Variants in DYM observed in about 807,000 individuals in gnomAD.
DYM encodes the protein dyggve-Melchior-Clausen syndrome protein.
In DYM, 78 loss-of-function variants were observed where a neutral mutation model predicts 93.1. That is an observed-to-expected ratio of 0.84 (90% CI 0.70 to 1.01). The LOEUF is 1.01. Ranked by LOEUF, DYM falls within the 50% of genes least tolerant of loss-of-function variation. The pLI, the probability that DYM is intolerant of heterozygous loss-of-function variation, is 0.00. For missense variants in DYM, 789 were observed against 845.0 expected, an observed-to-expected ratio of 0.93 and a Z score of 0.82; for synonymous variants, 321 against 319.7, an observed-to-expected ratio of 1.00 and a Z score of -0.04.
chr18:49,335,621 A>G (rs2063600270), intron 6 of DYM, among the ~76,000 whole-genome samples: 1 of 152,158 alleles, frequency 6.6e-6, no homozygotes, highest in Non-Finnish European at 1.5e-5. Flanking sequence ...TTTGTATCAC[A>G]ATAATCATTC....
At chr18:49,113,668 A>C (rs1855539627) in intron 16 of DYM, among the ~76,000 whole-genome samples, 1 of 152,222 alleles carries the variant, frequency 6.6e-6, no homozygotes, top group African/African-American at 2.4e-5. Flanking sequence ...AACTCTATGA[A>C]AGAAGAAAGT....
At chr18:49,070,679 G>A (rs2076814336) in intron 17 of DYM, among the ~76,000 whole-genome samples, 1 of 152,198 alleles carries the variant, frequency 6.6e-6, no homozygotes, top group African/African-American at 2.4e-5. Flanking sequence ...AAACAGTAAG[G>A]TTCTTTAAGG....
intron 6 of DYM, among the ~76,000 whole-genome samples, chr18:49,348,744 A>G (rs1301264904): frequency 6.6e-6 from 1 of 152,050 alleles, no homozygotes; most frequent in African/African-American, 2.4e-5. Context: ...CCCCGTCTCT[A>G]CTAAAAATAC....
chr18:49,068,077 G>T (rs1253520937), intron 17 of DYM, among the ~76,000 whole-genome samples: 1 of 152,214 alleles, frequency 6.6e-6, no homozygotes, highest in African/African-American at 2.4e-5. Context: ...TAGCACAGGG[G>T]CAATGACTAG....
intron 17 of DYM, among the ~76,000 whole-genome samples, chr18:49,052,489 A>G (rs936743723): frequency 3.3e-5 from 5 of 152,254 alleles, no homozygotes; most frequent in Non-Finnish European, 4.4e-5. Context: ...AAGAAATGTC[A>G]GTCTGAATGT....
At chr18:49,206,009 TTG>T (rs1555800106) in intron 14 of DYM, 4 of 175,064 alleles carry the variant, frequency 2.3e-5, no homozygotes, top group Non-Finnish European at 3.5e-5. Context: ...TTTTGTTTTT[TTG>T]TTTTTTGCGG....
chr18:49,233,719 T>C lies in DYM; in HGVS notation c.1460+23291A>G, dbSNP rs375498622. On this transcript the variant is annotated intron_variant, in intron 13 of 17. Coordinates refer to ENST00000675505, the MANE Select transcript of DYM (RefSeq NM_001353214.3). ...GATTTTTTTTAGTAGAGCACATGGC[T>C]GCAATTAATAAAGACTATATTTCTC... is the stretch of plus-strand genomic sequence containing the variant. 3.3e-5 allele frequency among the ~76,000 whole-genome samples: 5 copies of C among 152,334 alleles called. No homozygotes were observed. The East Asian group carries it at 7.7e-4, about 24-fold the overall frequency.
chr18:49,070,666 C>A (rs2076813179), intron 17 of DYM, among the ~76,000 whole-genome samples: 1 of 152,160 alleles, frequency 6.6e-6, no homozygotes, highest in African/African-American at 2.4e-5. Flanking sequence ...ACTGTGCCCC[C>A]CTAAACAGTA....
intron 14 of DYM, among the ~76,000 whole-genome samples, chr18:49,184,485 G>A (rs909798982): frequency 6.6e-6 from 1 of 152,174 alleles, no homozygotes; most frequent in African/African-American, 2.4e-5. Flanking sequence ...CAGAGATACT[G>A]CAGCAATACA....
intron 17 of DYM, among the ~76,000 whole-genome samples, chr18:49,054,780 G>C (rs2075328757): frequency 6.6e-6 from 1 of 152,186 alleles, no homozygotes. Context: ...CACGGATCCT[G>C]AGCTCAGGAA....
chr18:49,348,128 G>A (rs1277972752), intron 6 of DYM, among the ~76,000 whole-genome samples: 1 of 152,156 alleles, frequency 6.6e-6, no homozygotes, highest in African/African-American at 2.4e-5. Context: ...TGTTAGTGTT[G>A]GCTAAGAGCA....
chr18:49,252,241 A>AAAAAAAAAAAAAAAAAAC (rs1568106559), intron 13 of DYM, among the ~76,000 whole-genome samples: 2 of 148,446 alleles, frequency 1.3e-5, no homozygotes, highest in Non-Finnish European at 3.0e-5. Flanking sequence ...AAAAAAAAAA[A>AAAAAAAAAAAAAAAAAAC]AGAACTGCCT....
At chr18:49,126,011 G>A (rs2082785714) in intron 15 of DYM, among the ~76,000 whole-genome samples, 1 of 152,138 alleles carries the variant, frequency 6.6e-6, no homozygotes, top group Admixed American at 6.5e-5. Context: ...CTAGCATTTG[G>A]ATTGTTTTGA....
At chr18:49,256,629 G>A (rs1297801715) in intron 13 of DYM, among the ~76,000 whole-genome samples, 2 of 152,156 alleles carry the variant, frequency 1.3e-5, no homozygotes, top group Admixed American at 6.5e-5. Flanking sequence ...ATACACGGGT[G>A]AACTGCTATA....
At chr18:49,208,197 A>AT (rs1243233527) in intron 14 of DYM, among the ~76,000 whole-genome samples, 1 of 151,304 alleles carries the variant, frequency 6.6e-6, no homozygotes, top group East Asian at 1.9e-4. Flanking sequence ...AAAAAAAAAA[A>AT]AAAAAAATTA....
intron 8 of DYM, among the ~76,000 whole-genome samples, chr18:49,330,327 GTAATAATC>G (rs2063220108): frequency 6.6e-6 from 1 of 152,064 alleles, no homozygotes; most frequent in Non-Finnish European, 1.5e-5. Context: ...AAATTATGTA[GTAATAATC>G]TCAGAAATCA....
intron 5 of DYM, among the ~76,000 whole-genome samples, chr18:49,377,053 T>C (rs1047819683): frequency 1.3e-5 from 2 of 152,332 alleles, no homozygotes; most frequent in East Asian, 3.9e-4. Flanking sequence ...ATGGTCACTC[T>C]GCTACTTGAG....
chr18:49,422,523 C>T (rs1172658335), intron 2 of DYM, among the ~76,000 whole-genome samples: 1 of 152,166 alleles, frequency 6.6e-6, no homozygotes, highest in African/African-American at 2.4e-5. Flanking sequence ...ATCATAATGA[C>T]AGGATCAAAT....
At chr18:49,365,276 G>GT (rs2066419838) in intron 5 of DYM, among the ~76,000 whole-genome samples, 1 of 152,166 alleles carries the variant, frequency 6.6e-6, no homozygotes, top group South Asian at 2.1e-4. Context: ...CCCGTGAGAG[G>GT]TAAGTACAAA....
Sources: allele counts gnomAD v4.1 joint callset (sites outside exome capture counted in the v4.1 genomes callset), GRCh38; gene constraint gnomAD v4.1.1; transcripts MANE v1.5; gene names NCBI Gene and HGNC (gene_info 2026-07-23, HGNC 2026-07-21).